The following PTPRN2 variants were observed in gnomAD, a reference collection of about 807,000 sequenced individuals.
PTPRN2 encodes the protein receptor-type tyrosine-protein phosphatase N2.
In PTPRN2, 74 loss-of-function variants were observed where a neutral mutation model predicts 118.8. The ratio of observed to expected loss-of-function variants is 0.62; its 90% CI spans 0.52 to 0.76. The LOEUF is 0.76. Among genes scored for constraint, PTPRN2 ranks in the 30% least tolerant of loss-of-function variants. The pLI is 0.00. For missense variants in PTPRN2, 1,481 were observed against 1,394.4 expected (o/e 1.06, Z -0.99); for synonymous variants, 641 against 608.0 (o/e 1.05, Z -0.80).
In PTPRN2 at chr7:157,869,978, G is replaced by A. The variant is rs965669900; in HGVS notation, c.1788+28695C>T. On this transcript the variant is annotated intron_variant, in intron 12 of 22. Coordinates refer to ENST00000389418, the MANE Select transcript of PTPRN2 (RefSeq NM_002847.5). The surrounding 1 kb of genome is among the most constrained non-coding windows in gnomAD (Gnocchi z 4.2). Reference sequence around the variant, plus strand: ...TTCGATGGGACCCCTTCCGCCTCTCGGTAGCCACTGCTGTGGTTGTGCTTG... The same window carrying A: ...TTCGATGGGACCCCTTCCGCCTCTCAGTAGCCACTGCTGTGGTTGTGCTTG... Among the ~76,000 whole-genome samples the A allele has an allele frequency of 2.0e-5, 3 of 152,094 alleles. No homozygotes were observed. Among genetic ancestry groups the A allele is most frequent in the African/African-American group, 4.8e-5 (2 of 41,412 alleles).
At chr7:158,407,487 GGTCCTGGGTCCTGCGTCCTGGGTCCTGC>G (rs1813656412) in intron 2 of PTPRN2, among the ~76,000 whole-genome samples, 1 of 21,018 alleles carries the variant, frequency 4.8e-5, no homozygotes, top group Non-Finnish European at 8.7e-5. Flanking sequence ...CTGGGTCCTG[GGTCCTGGGTCCTGCGTCCTGGGTCCTGC>G]GTCCTGCGTC....
rs569061741 is a variant in PTPRN2, at chr7:157,908,292, A to G, written c.1724-9555T>C. On this transcript the variant is annotated intron_variant, in intron 11 of 22. Transcript: ENST00000389418. ...AGCACTTCTGCCATGCGAGCCTTGAAAGGGCCTCCACCCCTGCAGCCTGCA... is the reference window on the plus strand; with the variant it reads ...AGCACTTCTGCCATGCGAGCCTTGAGAGGGCCTCCACCCCTGCAGCCTGCA... Among the ~76,000 whole-genome samples the G allele has an allele frequency of 3.9e-3, 600 of 152,310 alleles. 3 individuals are homozygous for G. The highest frequency in any genetic ancestry group is 0.014 in the African/African-American group (562 of 41,566).
intron 2 of PTPRN2, among the ~76,000 whole-genome samples, chr7:158,382,813 GCA>G (rs1295777639): frequency 1.3e-5 from 2 of 152,184 alleles, no homozygotes; most frequent in Non-Finnish European, 2.9e-5. Context: ...AGGTCTGACT[GCA>G]CAGAGATCAC....
At position 157,764,504 on chromosome 7, in the gene PTPRN2, A is replaced by C. The variant is rs1224356719; in HGVS notation, c.1789-81567T>G. 6.6e-6 allele frequency among the ~76,000 whole-genome samples: 1 copy of C among 152,130 alleles called. No homozygotes were observed. Among genetic ancestry groups the C allele is most frequent in the East Asian group, 1.9e-4 (1 of 5,188 alleles). On this transcript the variant is annotated intron_variant, in intron 12 of 22. Transcript: ENST00000389418. The surrounding 1 kb of genome is among the most constrained non-coding windows in gnomAD (Gnocchi z 4.5). ...AATATGATAAACACTGTGTGATTCCACTCGTATGGGGTCCTTAGAGTCATC... is the reference window on the plus strand; with the variant it reads ...AATATGATAAACACTGTGTGATTCCCCTCGTATGGGGTCCTTAGAGTCATC...
rs906941150 is a variant in PTPRN2 at position 157,787,460 on chromosome 7, C to T, written c.1789-104523G>A. The stretch of plus-strand genomic sequence containing the variant: ...GCGTGGACTCCCAGCTGTTGCTGTG[C>T]CTGGGTCACCCCAGTGGGCAGGGCG... On this transcript the variant is annotated intron_variant, in intron 12 of 22. Transcript: ENST00000389418. This position sits in a 1 kb window ranked among gnomAD's most constrained non-coding sequence, Gnocchi z 5.3. Among the ~76,000 whole-genome samples the T allele has an allele frequency of 2.0e-5, 3 of 152,024 alleles. No individual in the cohort carries two copies. The highest frequency in any genetic ancestry group is 4.4e-5 in the Non-Finnish European group (3 of 67,982).
chr7:157,973,721 A>T (rs185929396), intron 11 of PTPRN2, among the ~76,000 whole-genome samples: 80 of 152,362 alleles, frequency 5.3e-4, no homozygotes, highest in African/African-American at 1.7e-3. Flanking sequence ...TAAGATTTTT[A>T]AAATCTGTAC....
intron 11 of PTPRN2, among the ~76,000 whole-genome samples, chr7:158,035,813 C>T (rs1489871488): frequency 1.3e-5 from 2 of 152,158 alleles, no homozygotes; most frequent in African/African-American, 4.8e-5. Flanking sequence ...AATGAGAGTT[C>T]TTGGGACTTC....
intron 5 of PTPRN2, among the ~76,000 whole-genome samples, chr7:158,174,905 G>A (rs117746444): frequency 0.025 from 3,856 of 152,186 alleles, 78 homozygotes; most frequent in South Asian, 0.056. Flanking sequence ...TACTGGGGCC[G>A]GGAGTACCAG....
intron 2 of PTPRN2, among the ~76,000 whole-genome samples, chr7:158,424,870 G>A (rs1376382660): frequency 1.3e-5 from 2 of 152,186 alleles, no homozygotes; most frequent in South Asian, 2.1e-4. Flanking sequence ...AATCTCCCAC[G>A]CCAGGTGTGC....
intron 12 of PTPRN2, among the ~76,000 whole-genome samples, chr7:157,838,263 C>A (rs1808120823): frequency 6.7e-6 from 1 of 149,086 alleles, no homozygotes; most frequent in South Asian, 2.1e-4. Context: ...GAGAAAGCTC[C>A]TCTCCGCCGT....
intron 2 of PTPRN2, among the ~76,000 whole-genome samples, chr7:158,465,305 C>G (rs908605209): frequency 1.3e-5 from 2 of 152,206 alleles, no homozygotes; most frequent in African/African-American, 4.8e-5. Flanking sequence ...TCTCTTCTTT[C>G]CCACCCCGTG....
At position 158,529,476 on chromosome 7, in the gene PTPRN2, G is replaced by A. The variant is rs1206671232; in HGVS notation, c.113-39691C>T. On this transcript the variant is annotated intron_variant, in intron 1 of 22. Transcript: ENST00000389418. This position sits in a 1 kb window ranked among gnomAD's most constrained non-coding sequence, Gnocchi z 4.7. ...TGCTGACCACGGCCAGCAACGACGAGCCATGGTGACAGCTCACACACAGCT... is the reference window on the plus strand; with the variant it reads ...TGCTGACCACGGCCAGCAACGACGAACCATGGTGACAGCTCACACACAGCT... 3.3e-5 allele frequency among the ~76,000 whole-genome samples: 5 copies of A among 152,190 alleles called. No homozygotes were observed. Among genetic ancestry groups the A allele is most frequent in the Admixed American group, 2.0e-4 (3 of 15,282 alleles).
intron 11 of PTPRN2, among the ~76,000 whole-genome samples, chr7:158,046,983 G>A (rs1808925501): frequency 6.6e-6 from 1 of 152,188 alleles, no homozygotes; most frequent in African/African-American, 2.4e-5. Context: ...AGGCAATCAG[G>A]TTTACACAAG....
chr7:157,725,231 G>A (rs575260543), intron 12 of PTPRN2, among the ~76,000 whole-genome samples: 1 of 142,038 alleles, frequency 7.0e-6, no homozygotes, highest in Non-Finnish European at 1.5e-5. Flanking sequence ...CGCCTCCCAG[G>A]AGAACTGGAT....
At chr7:157,857,301 G>C (rs2151219944) in intron 12 of PTPRN2, 1 of 152,386 alleles carries the variant, frequency 6.6e-6, no homozygotes, top group Non-Finnish European at 1.5e-5. Flanking sequence ...CTATGGAGAG[G>C]CCACGTTGAG....
intron 6 of PTPRN2, among the ~76,000 whole-genome samples, chr7:158,149,069 TCA>T (rs1820580221): frequency 7.1e-6 from 1 of 140,102 alleles, no homozygotes; most frequent in African/African-American, 2.7e-5. Flanking sequence ...ATGCCACGTG[TCA>T]TTCCCCCTCA....
intron 10 of PTPRN2, among the ~76,000 whole-genome samples, chr7:158,098,727 T>G (rs1814893765): frequency 6.6e-6 from 1 of 152,004 alleles, no homozygotes; most frequent in African/African-American, 2.4e-5. Context: ...AGAAGGACGT[T>G]TATCTCGTGA....
chr7:158,057,119 C>T (rs1426812996), intron 11 of PTPRN2, among the ~76,000 whole-genome samples: 2 of 152,212 alleles, frequency 1.3e-5, no homozygotes, highest in East Asian at 1.9e-4. Context: ...CACCTGTGGA[C>T]GCGGGAGCAT....
At chr7:157,745,219 C>T (rs1800850890) in intron 12 of PTPRN2, among the ~76,000 whole-genome samples, 1 of 152,174 alleles carries the variant, frequency 6.6e-6, no homozygotes, top group African/African-American at 2.4e-5. Flanking sequence ...CTGGGCAGAC[C>T]CTAGAGCTCC....
Sources: gnomAD v4.1 joint callset for allele counts (sites outside exome capture counted in the v4.1 genomes callset) on GRCh38, gnomAD v4.1.1 for gene constraint, Gnocchi (gnomAD v3.1) non-coding constraint, MANE v1.5 for transcripts, NCBI Gene and HGNC (gene_info 2026-07-23, HGNC 2026-07-21) for gene names.